LRRC8B: variants seen among roughly 807,000 people sequenced by gnomAD.
The protein encoded by LRRC8B is leucine rich repeat containing 8 VRAC subunit B.
In LRRC8B, 23 loss-of-function variants were observed where a neutral mutation model predicts 58.8. That is an observed-to-expected ratio of 0.39 (90% CI 0.28 to 0.55). The LOEUF is 0.55. Ranked by LOEUF, LRRC8B falls within the 20% of genes least tolerant of loss-of-function variation. The probability of loss-of-function intolerance (pLI) is 0.62; values close to 1 mark genes in which losing one functional copy is unlikely to be tolerated. For synonymous variants in LRRC8B, 359 were observed against 374.1 expected (o/e 0.96, Z 0.47); for missense variants, 694 against 936.0 (o/e 0.74, Z 3.37).
chr1:89,535,893 T>A (rs559783463), intron 1 of LRRC8B, among the ~76,000 whole-genome samples: 1 of 149,658 alleles, frequency 6.7e-6, no homozygotes, highest in Non-Finnish European at 1.5e-5. Context: ...AGATTTGGGA[T>A]TTTTTTTTTC....
chr1:89,574,763 A>C (rs985669605), intron 3 of LRRC8B, among the ~76,000 whole-genome samples: 5 of 152,184 alleles, frequency 3.3e-5, no homozygotes, highest in African/African-American at 1.2e-4. Flanking sequence ...TACCCAGCAA[A>C]AGACCAGTTC....
chr1:89,560,211 T>G (rs1221366813), intron 1 of LRRC8B, among the ~76,000 whole-genome samples: 4 of 152,204 alleles, frequency 2.6e-5, no homozygotes, highest in Admixed American at 6.6e-5. Context: ...TCATGCTGCC[T>G]TGTAGTGTTG....
intron 3 of LRRC8B, among the ~76,000 whole-genome samples, chr1:89,578,764 C>T (rs1654027048): frequency 6.6e-6 from 1 of 151,974 alleles, no homozygotes; most frequent in Non-Finnish European, 1.5e-5. Flanking sequence ...GTTTCATAGG[C>T]ACTAAAAGAT....
chr1:89,581,370 T>G (rs948384664), intron 4 of LRRC8B, among the ~76,000 whole-genome samples: 6 of 151,472 alleles, frequency 4.0e-5, no homozygotes, highest in Non-Finnish European at 8.8e-5. Context: ...TGATAAGACT[T>G]CAGACTCAAG....
At chr1:89,589,551 A>G (rs561649708) in intron 5 of LRRC8B, among the ~76,000 whole-genome samples, 1 of 115,208 alleles carries the variant, frequency 8.7e-6, no homozygotes, top group East Asian at 2.2e-4. Flanking sequence ...TTACTTCCAC[A>G]TTTGTGCTTT....
chr1:89,594,791 A>T lies in LRRC8B; in HGVS notation c.*1748A>T, dbSNP rs1655203569. 2 of 152,172 alleles carry T rather than the reference A, an allele frequency of 1.3e-5. No individual in the cohort carries two copies. Among genetic ancestry groups the T allele is most frequent in the Admixed American group, 1.3e-4 (2 of 15,282 alleles). The allele number at this position is 152,172 out of a possible 1,614,324, so 9.4% of individuals were successfully genotyped here. On this transcript the variant is annotated 3_prime_UTR_variant, in exon 6 of 6. Transcript: ENST00000330947. ...GTACATCTTTAATATGTTTTTCCCT[A>T]AGGGTCTAGGCATTATGATGCCACC...
At chr1:89,575,618 T>G (rs1653783958) in intron 3 of LRRC8B, among the ~76,000 whole-genome samples, 1 of 152,230 alleles carries the variant, frequency 6.6e-6, no homozygotes, top group Non-Finnish European at 1.5e-5. Context: ...GTTGCTGAGT[T>G]CTTGCCTCTT....
chr1:89,557,913 G>T (rs1022801911), intron 1 of LRRC8B, among the ~76,000 whole-genome samples: 1 of 152,156 alleles, frequency 6.6e-6, no homozygotes, highest in Non-Finnish European at 1.5e-5. Flanking sequence ...AACATGTGCA[G>T]GGTTGACTCT....
chr1:89,575,007 C>A (rs1653738070), intron 3 of LRRC8B, among the ~76,000 whole-genome samples: 1 of 152,186 alleles, frequency 6.6e-6, no homozygotes, highest in African/African-American at 2.4e-5. Flanking sequence ...CATTCTGGAA[C>A]TGATTTAGAT....
In LRRC8B at chr1:89,584,300, C is replaced by G. The variant is rs781672750; in HGVS notation, c.1650C>G (p.Ser550=). The G allele has an allele frequency of 6.2e-7, 1 of 1,614,076 alleles. No homozygotes were observed. The highest frequency in any genetic ancestry group is 8.5e-7 in the Non-Finnish European group (1 of 1,180,026). Residue 550 remains serine (S), a synonymous_variant, in exon 5 of 6, where the codon TCC becomes TCG. Coordinates refer to ENST00000330947, the MANE Select transcript of LRRC8B (RefSeq NM_001369817.2). ...LRTLYLKSSL[S]RIPQVVTDLL... is the part of the protein sequence containing the mutation. The stretch of plus-strand genomic sequence containing the variant: ...CCCTGTACTTGAAGAGCAGCCTCTC[C>G]CGGATCCCACAAGTTGTTACAGACC...
chr1:89,539,319 T>C (rs1434679174), intron 1 of LRRC8B, among the ~76,000 whole-genome samples: 1 of 152,138 alleles, frequency 6.6e-6, no homozygotes, highest in African/African-American at 2.4e-5. Flanking sequence ...CCTGTTACTA[T>C]GGTGACAGGC....
At chr1:89,585,379 C>T (rs575777728) in intron 5 of LRRC8B, among the ~76,000 whole-genome samples, 1 of 152,118 alleles carries the variant, frequency 6.6e-6, no homozygotes, top group East Asian at 1.9e-4. Flanking sequence ...TTAGAATGAA[C>T]CAAATTTGCA....
chr1:89,567,095 C>T (rs1482213173), intron 1 of LRRC8B, among the ~76,000 whole-genome samples: 1 of 152,176 alleles, frequency 6.6e-6, no homozygotes, highest in African/African-American at 2.4e-5. Flanking sequence ...CTGACGCAGG[C>T]CGCCTGCCTC....
intron 4 of LRRC8B, among the ~76,000 whole-genome samples, 170 bp downstream of exon 4, chr1:89,579,858 A>T (rs1654098348): frequency 6.6e-6 from 1 of 152,208 alleles, no homozygotes; most frequent in South Asian, 2.1e-4. Flanking sequence ...AGGACCTTTG[A>T]GAGGACAAAT....
At chr1:89,592,234 A>C (rs1655021240) in intron 5 of LRRC8B, among the ~76,000 whole-genome samples, 1 of 152,166 alleles carries the variant, frequency 6.6e-6, no homozygotes, top group Non-Finnish European at 1.5e-5. Flanking sequence ...AGGGGAATGA[A>C]ATGTGCATGT....
At chr1:89,553,276 C>T (rs1196027979) in intron 1 of LRRC8B, among the ~76,000 whole-genome samples, 2 of 152,246 alleles carry the variant, frequency 1.3e-5, no homozygotes, top group Non-Finnish European at 2.9e-5. Context: ...ACCAGTTGTG[C>T]AACAAATGAA....
chr1:89,525,448 C>T (rs1570538053), intron 1 of LRRC8B, among the ~76,000 whole-genome samples: 3 of 152,222 alleles, frequency 2.0e-5, no homozygotes, highest in Non-Finnish European at 4.4e-5. Context: ...GAGGGTGCCC[C>T]CATTTGGTCG....
At chr1:89,531,389 G>A (rs1650120327) in intron 1 of LRRC8B, among the ~76,000 whole-genome samples, 1 of 152,216 alleles carries the variant, frequency 6.6e-6, no homozygotes, top group Admixed American at 6.5e-5. Flanking sequence ...ATGGCCAGAT[G>A]GTTAATGCTT....
intron 1 of LRRC8B, among the ~76,000 whole-genome samples, chr1:89,543,246 A>G (rs183968647): frequency 2.2e-3 from 335 of 152,314 alleles, no homozygotes; most frequent in African/African-American, 7.8e-3. Context: ...ATTTTGAGAC[A>G]TGTAGACTAT....
Sources: gnomAD v4.1 joint callset for allele counts (sites outside exome capture counted in the v4.1 genomes callset) on GRCh38, gnomAD v4.1.1 for gene constraint, MANE v1.5 for transcripts, NCBI Gene and HGNC (gene_info 2026-07-23, HGNC 2026-07-21) for gene names.